Variants in SLC16A14 observed in about 807,000 individuals in gnomAD.
The protein encoded by SLC16A14 is monocarboxylate transporter 14.
SLC16A14 carries 14 observed loss-of-function variants against 35.8 expected under a neutral mutation model. That is an observed-to-expected ratio of 0.39 (90% confidence interval 0.26 to 0.61). The LOEUF is 0.61. Among genes scored for constraint, SLC16A14 ranks in the 20% least tolerant of loss-of-function variants. The pLI, the probability that SLC16A14 is intolerant of heterozygous loss-of-function variation, is 0.51. For synonymous variants in SLC16A14, 248 were observed against 258.9 expected, an observed-to-expected ratio of 0.96 and a Z score of 0.40; for missense variants, 533 against 655.0, an observed-to-expected ratio of 0.81 and a Z score of 2.03.
At chr2:230,051,229 C>T (rs4972927) in intron 2 of SLC16A14, among the ~76,000 whole-genome samples, 130,777 of 152,204 alleles carry the variant, frequency 0.86, 57,069 homozygotes, top group East Asian at 0.99. Flanking sequence ...GGTGTGATCA[C>T]GGCTCACTGC....
chr2:230,054,393 A>G (rs918658900), intron 2 of SLC16A14, among the ~76,000 whole-genome samples: 8 of 152,222 alleles, frequency 5.3e-5, no homozygotes, highest in South Asian at 2.1e-4. Flanking sequence ...AAAGGGTTAT[A>G]TAGCTCCACA....
At chr2:230,052,843 A>G (rs2077672884) in intron 2 of SLC16A14, among the ~76,000 whole-genome samples, 1 of 136,838 alleles carries the variant, frequency 7.3e-6, no homozygotes, top group Non-Finnish European at 1.5e-5. Context: ...CCATGGTTAT[A>G]AAATATATGT....
chr2:230,067,569 T>TCACACA (rs1229097473), intron 1 of SLC16A14, among the ~76,000 whole-genome samples: 15 of 121,348 alleles, frequency 1.2e-4, no homozygotes, highest in Admixed American at 7.9e-4. Context: ...TCTCTCTCTC[T>TCACACA]CTCACACACA....
chr2:230,062,481 A>C (rs748765627), intron 1 of SLC16A14, among the ~76,000 whole-genome samples: 11 of 151,270 alleles, frequency 7.3e-5, no homozygotes, highest in African/African-American at 2.4e-4. Flanking sequence ...CCCAAGTAGC[A>C]GGTACTACAG....
At chr2:230,062,221 T>C (rs570806685) in intron 1 of SLC16A14, among the ~76,000 whole-genome samples, 1 of 152,244 alleles carries the variant, frequency 6.6e-6, no homozygotes, top group South Asian at 2.1e-4. Flanking sequence ...TCTCGAATTG[T>C]AGAGCTTTTC....
chr2:230,067,650 C>T, intron 1 of SLC16A14, among the ~76,000 whole-genome samples: 1 of 152,072 alleles, frequency 6.6e-6, no homozygotes, highest in East Asian at 1.9e-4. Context: ...TCTCTCTAAG[C>T]CCCAATAATG....
intron 1 of SLC16A14, among the ~76,000 whole-genome samples, chr2:230,065,046 T>C (rs934696566): frequency 2.0e-5 from 3 of 152,182 alleles, no homozygotes; most frequent in Non-Finnish European, 4.4e-5. Context: ...AAGTTATAGT[T>C]TTTCAGCCCG....
At chr2:230,054,287 C>A (rs901597003) in intron 2 of SLC16A14, among the ~76,000 whole-genome samples, 1 of 152,078 alleles carries the variant, frequency 6.6e-6, no homozygotes, top group African/African-American at 2.4e-5. Flanking sequence ...AGACTTGGCA[C>A]CCCAATTCAC....
intron 4 of SLC16A14, among the ~76,000 whole-genome samples, chr2:230,045,360 C>A (rs2077595617): frequency 6.6e-6 from 1 of 152,136 alleles, no homozygotes. Flanking sequence ...AAGTTCAAGG[C>A]CATCCTGGCC....
In SLC16A14 at chr2:230,046,610, C is replaced by T. The variant is rs55923123; in HGVS notation, c.516G>A (p.Thr172=). 1.9e-6 allele frequency: 3 copies of T among 1,613,328 alleles called. No individual in the cohort carries two copies. The highest frequency in any genetic ancestry group is 2.5e-6 in the Non-Finnish European group (3 of 1,180,046). The stretch of plus-strand genomic sequence containing the variant: ...ACTTCAGCAGCACAGTCATTAGGAA[C>T]GTACCGAATCCGGTCCCCGTGGTGC... ...GLSTTGTGFG[T]FLMTVLLKYL... Residue 172 remains threonine (T), a synonymous_variant, in exon 4 of 5, where the codon ACG becomes ACA. Coordinates refer to ENST00000295190, the MANE Select transcript of SLC16A14 (RefSeq NM_152527.5). The surrounding 1 kb of genome is among the most constrained non-coding windows in gnomAD (Gnocchi z 5.0).
At chr2:230,048,983 T>C (rs2077633370) in intron 3 of SLC16A14, among the ~76,000 whole-genome samples, 1 of 149,630 alleles carries the variant, frequency 6.7e-6, no homozygotes, top group Non-Finnish European at 1.5e-5. Context: ...GTTATTGGTT[T>C]CCTTAATCTT....
At chr2:230,061,072 C>T (rs1467926359) in intron 1 of SLC16A14, among the ~76,000 whole-genome samples, 2 of 152,172 alleles carry the variant, frequency 1.3e-5, no homozygotes, top group African/African-American at 4.8e-5. Flanking sequence ...CCTGCAGGGT[C>T]CCACTGCCCA....
At chr2:230,052,266 T>C (rs2077667681) in intron 2 of SLC16A14, among the ~76,000 whole-genome samples, 1 of 152,190 alleles carries the variant, frequency 6.6e-6, no homozygotes, top group Non-Finnish European at 1.5e-5. Context: ...TTATTTGTTA[T>C]TAAATATGCA....
chr2:230,064,286 G>T (rs2077773746), intron 1 of SLC16A14, among the ~76,000 whole-genome samples: 1 of 140,620 alleles, frequency 7.1e-6, no homozygotes, highest in South Asian at 2.2e-4. Context: ...TTTCAGCCTT[G>T]TCTGTGTGTG....
intron 2 of SLC16A14, among the ~76,000 whole-genome samples, chr2:230,057,823 T>TA: frequency 6.6e-6 from 1 of 152,162 alleles, no homozygotes; most frequent in South Asian, 2.1e-4. Flanking sequence ...GGTCAGGAGT[T>TA]TAAGACCAGC....
intron 2 of SLC16A14, among the ~76,000 whole-genome samples, chr2:230,053,521 A>T (rs2077679201): frequency 6.6e-6 from 1 of 152,024 alleles, no homozygotes. Flanking sequence ...GGTGGTTCAC[A>T]CCTGTAATCT....
At chr2:230,059,842 G>C (rs1339299944) in intron 1 of SLC16A14, among the ~76,000 whole-genome samples, 1 of 152,200 alleles carries the variant, frequency 6.6e-6, no homozygotes, top group East Asian at 1.9e-4. Flanking sequence ...CTGGTTCTCA[G>C]TTTTTGTGGG....
chr2:230,056,260 T>G (rs899515208), intron 2 of SLC16A14, among the ~76,000 whole-genome samples: 5 of 149,156 alleles, frequency 3.4e-5, no homozygotes, highest in African/African-American at 1.2e-4. Context: ...GTGTTTTTTT[T>G]TTTTTTTTTT....
intron 2 of SLC16A14, among the ~76,000 whole-genome samples, chr2:230,054,887 T>A (rs2077692199): frequency 7.1e-6 from 1 of 141,354 alleles, no homozygotes; most frequent in African/African-American, 2.7e-5. Flanking sequence ...AGAGCGAGAC[T>A]CCATCTCAGA....
Sources: gnomAD v4.1 joint callset for allele counts (sites outside exome capture counted in the v4.1 genomes callset) on GRCh38, gnomAD v4.1.1 for gene constraint, Gnocchi (gnomAD v3.1) non-coding constraint, MANE v1.5 for transcripts, NCBI Gene and HGNC (gene_info 2026-07-23, HGNC 2026-07-21) for gene names.